SCN11A: variants seen among roughly 807,000 people sequenced by gnomAD.
SCN11A encodes the protein sodium channel protein type 11 subunit alpha.
Under a neutral mutation model 162.2 loss-of-function variants are expected in SCN11A, and 122 were observed. That is an observed-to-expected ratio of 0.75 (90% confidence interval 0.65 to 0.87). SCN11A has a LOEUF of 0.87. Among genes scored for constraint, SCN11A ranks in the 40% least tolerant of loss-of-function variants. The pLI, the probability that SCN11A is intolerant of heterozygous loss-of-function variation, is 0.00. For missense variants in SCN11A, 2,015 were observed against 2,181.6 expected (o/e 0.92, Z 1.52); for synonymous variants, 758 against 751.5 (o/e 1.01, Z -0.14).
At chr3:39,009,993 T>C (rs1218798605) in intron 2 of SCN11A, among the ~76,000 whole-genome samples, 1 of 151,870 alleles carries the variant, frequency 6.6e-6, no homozygotes, top group Non-Finnish European at 1.5e-5. Flanking sequence ...CCAGGGCATG[T>C]ACATAGCCAT....
chr3:38,920,606 A>G (rs1160590786), intron 10 of SCN11A, among the ~76,000 whole-genome samples: 1 of 150,110 alleles, frequency 6.7e-6, no homozygotes, highest in African/African-American at 2.5e-5. Context: ...CAGGAGAATC[A>G]CTTGAACCTG....
intron 27 of SCN11A, among the ~76,000 whole-genome samples, chr3:38,865,371 G>T (rs2065024720): frequency 6.6e-6 from 1 of 152,188 alleles, no homozygotes; most frequent in Non-Finnish European, 1.5e-5. Flanking sequence ...GCATATTACA[G>T]AGAGGATGCT....
intron 23 of SCN11A, among the ~76,000 whole-genome samples, chr3:38,875,974 T>G (rs940685260): frequency 6.6e-6 from 1 of 152,002 alleles, no homozygotes; most frequent in Non-Finnish European, 1.5e-5. Context: ...TATAAGGCCA[T>G]AGGCACCAAA....
At chr3:39,033,777 CAAGAGTTTTT>C (rs2031826453) in intron 1 of SCN11A, among the ~76,000 whole-genome samples, 1 of 152,096 alleles carries the variant, frequency 6.6e-6, no homozygotes, top group African/African-American at 2.4e-5. Context: ...GAAAAAAACT[CAAGAGTTTTT>C]TTCTTGTTAT....
At chr3:38,913,364 T>C (rs1229898381) in intron 11 of SCN11A, among the ~76,000 whole-genome samples, 1 of 152,202 alleles carries the variant, frequency 6.6e-6, no homozygotes, top group African/African-American at 2.4e-5. Flanking sequence ...TCCTTATAGA[T>C]GCTGAATATC....
At chr3:39,041,014 G>A (rs1384057291) in intron 1 of SCN11A, among the ~76,000 whole-genome samples, 1 of 152,184 alleles carries the variant, frequency 6.6e-6, no homozygotes, top group Non-Finnish European at 1.5e-5. Flanking sequence ...CCCGGGAGGA[G>A]AAGCTTGCAG....
At chr3:38,928,755 T>C (rs2066184732) in intron 7 of SCN11A, among the ~76,000 whole-genome samples, 1 of 152,118 alleles carries the variant, frequency 6.6e-6, no homozygotes, top group Non-Finnish European at 1.5e-5. Context: ...CCCATTAGGA[T>C]GGCTACTATT....
chr3:38,994,048 C>T (rs2030535202), intron 2 of SCN11A, among the ~76,000 whole-genome samples: 1 of 152,178 alleles, frequency 6.6e-6, no homozygotes, highest in South Asian at 2.1e-4. Context: ...TTCTCCTTTC[C>T]CTGCCTCATT....
intron 2 of SCN11A, among the ~76,000 whole-genome samples, chr3:39,028,783 A>G (rs2031667235): frequency 6.6e-6 from 1 of 152,170 alleles, no homozygotes; most frequent in Non-Finnish European, 1.5e-5. Context: ...CATGGTAACT[A>G]ATCCAGTCCC....
At chr3:38,856,523 T>C (rs1295731218) in intron 28 of SCN11A, among the ~76,000 whole-genome samples, 1 of 152,152 alleles carries the variant, frequency 6.6e-6, no homozygotes. Context: ...TAGCTTCTAC[T>C]CTTCACCCTG....
At chr3:39,005,073 A>G (rs2030933623) in intron 2 of SCN11A, among the ~76,000 whole-genome samples, 1 of 152,240 alleles carries the variant, frequency 6.6e-6, no homozygotes, top group Non-Finnish European at 1.5e-5. Flanking sequence ...CAGGGGCTGC[A>G]TGCACTGGTG....
chr3:39,017,016 C>T (rs144642868), intron 2 of SCN11A, among the ~76,000 whole-genome samples: 3,041 of 152,172 alleles, frequency 0.02, 56 homozygotes, highest in Middle Eastern at 0.041. Flanking sequence ...ACTGTGTTCC[C>T]CTCAAATTCA....
At chr3:38,989,124 T>C (rs1046280577) in intron 2 of SCN11A, among the ~76,000 whole-genome samples, 3 of 152,140 alleles carry the variant, frequency 2.0e-5, no homozygotes, top group Non-Finnish European at 4.4e-5. Flanking sequence ...CCAGCCTCCA[T>C]ATAAGAACTC....
intron 1 of SCN11A, among the ~76,000 whole-genome samples, chr3:39,033,917 C>A (rs2031831522): frequency 6.6e-6 from 1 of 152,118 alleles, no homozygotes; most frequent in African/African-American, 2.4e-5. Flanking sequence ...GTAATCCCAG[C>A]ACTTTGGGAG....
intron 17 of SCN11A, among the ~76,000 whole-genome samples, chr3:38,898,099 G>A (rs1272503794): frequency 1.3e-5 from 2 of 151,652 alleles, no homozygotes; most frequent in African/African-American, 4.8e-5. Flanking sequence ...TTAGCCAGGC[G>A]TGGTGGTGTG....
At chr3:38,974,694 C>CAAAAA (rs773028321) in intron 2 of SCN11A, among the ~76,000 whole-genome samples, 222 of 45,344 alleles carry the variant, frequency 4.9e-3, no homozygotes, top group Middle Eastern at 0.015. Flanking sequence ...GACTCCGTCT[C>CAAAAA]AAAAAAAAAA....
chr3:38,894,843 G>A lies in SCN11A; in HGVS notation c.2525C>T (p.Ala842Val). The change falls in exon 19 of 30, where the codon GCT (alanine) becomes GTT (valine). Residue 842 changes from alanine (A) to valine (V), a missense_variant. Physicochemically the swap from Ala to Val is moderately conservative, Grantham distance 64. Transcript: ENST00000302328. ...AAGAGTGTGTCTCACAAAACAAAAAGCCCGGCGGAATCGATCCAGTGCTAA... is the reference window on the plus strand; with the variant it reads ...AAGAGTGTGTCTCACAAAACAAAAAACCCGGCGGAATCGATCCAGTGCTAA... ...VQLALDRFRR[A>V]FCFVRHTLEH... 6.2e-7 allele frequency: 1 copy of A among 1,614,144 alleles called. No individual in the cohort carries two copies. The highest frequency in any genetic ancestry group is 8.5e-7 in the Non-Finnish European group (1 of 1,180,022).
chr3:38,883,285 CTG>C lies in SCN11A; in HGVS notation c.3165_3166del (p.His1055GlnfsTer4). ...AAAGATAATAAAGCTCTCAAACCAGCTGTGTTTCACTATTTGGTAGCAGGTTT... is the reference window on the plus strand; with the variant it reads ...AAAGATAATAAAGCTCTCAAACCAGCTGTTTCACTATTTGGTAGCAGGTTT... On this transcript the variant is annotated frameshift_variant, in exon 22 of 30. Transcript: ENST00000302328. LOFTEE classifies it high-confidence loss of function. 1.2e-6 allele frequency: 2 copies of C among 1,614,016 alleles called. No homozygotes were observed. Among genetic ancestry groups the C allele is most frequent in the Non-Finnish European group, 1.7e-6 (2 of 1,179,930 alleles).
chr3:38,849,540 A>T (rs2064740491), intron 29 of SCN11A: 1 of 152,158 alleles, frequency 6.6e-6, no homozygotes. Flanking sequence ...TGAGATCGCA[A>T]AAAAGCTTCC....
Sources: gnomAD v4.1 joint callset for allele counts (sites outside exome capture counted in the v4.1 genomes callset) on GRCh38, gnomAD v4.1.1 for gene constraint, MANE v1.5 for transcripts, NCBI Gene and HGNC (gene_info 2026-07-23, HGNC 2026-07-21) for gene names.